Variants in SCGB1D2 observed in about 807,000 individuals in gnomAD.
The protein encoded by SCGB1D2 is lipophilin-B.
In SCGB1D2, 10 loss-of-function variants were observed where a neutral mutation model predicts 10.5. The ratio of observed to expected loss-of-function variants is 0.95; its 90% CI spans 0.59 to 1.61. SCGB1D2 has a LOEUF of 1.61. Ranked by LOEUF, SCGB1D2 falls within the 40% of genes most tolerant of loss-of-function variation. SCGB1D2 has a pLI of 0.00. For missense variants in SCGB1D2, 113 were observed against 103.8 expected (o/e 1.09, Z -0.38); for synonymous variants, 42 against 42.8 (o/e 0.98, Z 0.08).
Position 62,242,325 on chromosome 11 carries a change from T to A in SCGB1D2, c.18T>A (p.Cys6Ter). ...AAGCCACCATGAAGCTGTCGGTGTGTCTCCTGCTGGTCACGCTGGCCCTCT... is the reference window on the plus strand; with the variant it reads ...AAGCCACCATGAAGCTGTCGGTGTGACTCCTGCTGGTCACGCTGGCCCTCT... MKLSV[C>*]LLLVTLALCC... Residue 6 changes from cysteine to a stop codon, truncating the protein, a stop_gained, in exon 1 of 3, where the codon TGT (cysteine) becomes TGA (stop). Coordinates refer to ENST00000244926, the MANE Select transcript of SCGB1D2 (RefSeq NM_006551.4). LOFTEE classifies it high-confidence loss of function. The A allele has an allele frequency of 6.2e-7, 1 of 1,614,028 alleles. No individual in the cohort carries two copies. Among genetic ancestry groups the A allele is most frequent in the Non-Finnish European group, 8.5e-7 (1 of 1,179,942 alleles).
At position 62,242,249 on chromosome 11, in the gene SCGB1D2, G is replaced by C; in HGVS notation, c.-59G>C. 6.3e-7 allele frequency: 1 copy of C among 1,582,434 alleles called. No individual in the cohort carries two copies. Among genetic ancestry groups the C allele is most frequent in the Non-Finnish European group, 8.7e-7 (1 of 1,152,000 alleles). On this transcript the variant is annotated 5_prime_UTR_variant, in exon 1 of 3. Coordinates refer to ENST00000244926, the MANE Select transcript of SCGB1D2 (RefSeq NM_006551.4). ...GCTCTGCAGCTCCACAGGCTCCTGG[G>C]GTGGAGTCCAAATCACTCATTGTTT...
chr11:62,244,640 C>G, intron 2 of SCGB1D2, 30 bp from the exon 3 acceptor site: 1 of 1,608,596 alleles, frequency 6.2e-7, no homozygotes, highest in Non-Finnish European at 8.5e-7. Context: ...CATGACTGAC[C>G]CCACCTTCTT....
intron 2 of SCGB1D2, 137 bp downstream of exon 2, chr11:62,243,613 G>A (rs966230373): frequency 2.9e-6 from 2 of 699,794 alleles, no homozygotes; most frequent in Non-Finnish European, 4.8e-6. Flanking sequence ...GGTCACCTGG[G>A]GCCACAGGGT....
chr11:62,242,482 C>A, intron 1 of SCGB1D2, 120 bp downstream of exon 1: 1 of 931,584 alleles, frequency 1.1e-6, no homozygotes, highest in East Asian at 2.5e-5. Flanking sequence ...AAACCTTTTT[C>A]TGTGCTTGTT....
At position 62,242,369 on chromosome 11, in the gene SCGB1D2, A is replaced by G; in HGVS notation, c.55+7A>G. 6.2e-7 allele frequency: 1 copy of G among 1,613,856 alleles called. No homozygotes were observed. The highest frequency in any genetic ancestry group is 8.5e-7 in the Non-Finnish European group (1 of 1,179,802). ...GCCCTCTGCTGCTACCAGGGTGAGT[A>G]CATCAGTCATGAGTCTAGCTCCAGC... On this transcript the variant is annotated splice_region_variant and intron_variant, in intron 1 of 2. Transcript: ENST00000244926.
intron 2 of SCGB1D2, among the ~76,000 whole-genome samples, chr11:62,244,451 A>G (rs1047346456): frequency 3.9e-5 from 6 of 152,030 alleles, no homozygotes; most frequent in African/African-American, 1.2e-4. Context: ...TTCCCGGATC[A>G]CCCCAGGGCT....
Position 62,243,553 on chromosome 11 carries a change from T to G in SCGB1D2, c.243+77T>G. 5 of 1,295,312 alleles carry G rather than the reference T, an allele frequency of 3.9e-6. No individual in the cohort carries two copies. In the South Asian group the frequency reaches 7.6e-5, roughly 20 times the overall value. 80.2% of individuals were successfully genotyped at this position (1,295,312 alleles called of 1,614,324 possible). A position where few individuals can be genotyped will look rare whatever the true frequency, so the allele number is the denominator to read the frequency against. Reference sequence around the variant, plus strand: ...GAAGTGAGGTCAGCTTGCTGCTCTGTTGGGGACACAGGTGGTGGGGCAGCT... The same window carrying G: ...GAAGTGAGGTCAGCTTGCTGCTCTGGTGGGGACACAGGTGGTGGGGCAGCT... On this transcript the variant is annotated intron_variant, in intron 2 of 2. Transcript: ENST00000244926.
chr11:62,244,549 G>A, intron 2 of SCGB1D2, 121 bp from the exon 3 acceptor site: 1 of 835,158 alleles, frequency 1.2e-6, no homozygotes, highest in Non-Finnish European at 1.9e-6. Context: ...AAACTGAGTT[G>A]TTGCCTCTGC....
intron 2 of SCGB1D2, among the ~76,000 whole-genome samples, chr11:62,243,785 G>A (rs1894159): frequency 0.23 from 35,332 of 152,084 alleles, 5,466 homozygotes; most frequent in Middle Eastern, 0.44. Flanking sequence ...GCCAAGCATG[G>A]CCGCCTCGCT....
At chr11:62,244,598 C>G in intron 2 of SCGB1D2, 72 bp from the exon 3 acceptor site, 1 of 1,417,508 alleles carries the variant, frequency 7.1e-7, no homozygotes, top group Non-Finnish European at 9.8e-7. Flanking sequence ...CCACTGGCCT[C>G]TTGGATGTGA....
intron 1 of SCGB1D2, 38 bp downstream of exon 1, chr11:62,242,400 G>C: frequency 6.2e-7 from 1 of 1,607,816 alleles, no homozygotes. Context: ...CCAGCCCCTG[G>C]GAAGCACCCT....
rs1250692398 is a variant in SCGB1D2, at chr11:62,243,645, A to G, written c.243+169A>G. Among the ~76,000 whole-genome samples, 3 of 152,196 alleles carry G rather than the reference A, an allele frequency of 2.0e-5. No individual in the cohort carries two copies. In the East Asian group the frequency reaches 5.8e-4, roughly 29 times the overall value. ...GGGTGGGTGCCACCATTTCACCTGC[A>G]GAATTCAACTCAGCTGCACACAGCC... On this transcript the variant is annotated intron_variant, in intron 2 of 2. Transcript: ENST00000244926.
Position 62,244,761 on chromosome 11 carries a change from G to A in SCGB1D2, c.*62G>A, listed in dbSNP as rs1945095238. On this transcript the variant is annotated 3_prime_UTR_variant, in exon 3 of 3. Coordinates refer to ENST00000244926, the MANE Select transcript of SCGB1D2 (RefSeq NM_006551.4). ...CAATGACACCCTGATCTTCACTGCA[G>A]AATGTAAAGGTTTCAACGTCTTGCT... 1 of 1,369,416 alleles carries A rather than the reference G, an allele frequency of 7.3e-7. No homozygotes were observed. Among genetic ancestry groups the A allele is most frequent in the African/African-American group, 1.4e-5 (1 of 69,400 alleles). The allele number at this position is 1,369,416 out of a possible 1,614,324, so 84.8% of individuals were successfully genotyped here.
chr11:62,244,793 A>T lies in SCGB1D2; in HGVS notation c.*94A>T, dbSNP rs765838691. ...AAGGTTTCAACGTCTTGCTTTAATA[A>T]ATCACTTGCTCTCCACGTCTCCACT... On this transcript the variant is annotated 3_prime_UTR_variant, in exon 3 of 3. Coordinates refer to ENST00000244926, the MANE Select transcript of SCGB1D2 (RefSeq NM_006551.4). 6 of 1,090,194 alleles carry T rather than the reference A, an allele frequency of 5.5e-6. No individual in the cohort carries two copies. The highest frequency in any genetic ancestry group is 7.0e-6 in the Non-Finnish European group (5 of 716,894). The allele number at this position is 1,090,194 out of a possible 1,614,324, so 67.5% of individuals were successfully genotyped here.
At chr11:62,244,596 C>A in intron 2 of SCGB1D2, 74 bp from the exon 3 acceptor site, 1 of 1,392,704 alleles carries the variant, frequency 7.2e-7, no homozygotes, top group Non-Finnish European at 1.0e-6. Flanking sequence ...TCCCACTGGC[C>A]TCTTGGATGT....
chr11:62,244,654 T>C lies in SCGB1D2; in HGVS notation c.244-16T>C, dbSNP rs778531180. 50 of 1,612,428 alleles carry C rather than the reference T, an allele frequency of 3.1e-5. No homozygotes were observed. The East Asian group carries it at 1.1e-3, about 34-fold the overall frequency. On this transcript the variant is annotated splice_polypyrimidine_tract_variant and intron_variant, in intron 2 of 2. Transcript: ENST00000244926. ...GCATGACTGACCCCACCTTCTTTTT[T>C]CTTTTCCTATTTTAGGTGAAAATAT...
chr11:62,244,207 C>T (rs993104846), intron 2 of SCGB1D2, among the ~76,000 whole-genome samples: 1 of 152,204 alleles, frequency 6.6e-6, no homozygotes, highest in African/African-American at 2.4e-5. Context: ...ATGGAAGCTG[C>T]AGGCTCGGGA....
In SCGB1D2 at chr11:62,243,782, A is replaced by T. The variant is rs530533406; in HGVS notation, c.243+306A>T. ...AGGCAGAAATGGTAAAGGGCCAAGC[A>T]TGGCCGCCTCGCTGCTGGGAGCTTT... On this transcript the variant is annotated intron_variant, in intron 2 of 2. Coordinates refer to ENST00000244926, the MANE Select transcript of SCGB1D2 (RefSeq NM_006551.4). 2.3e-4 allele frequency among the ~76,000 whole-genome samples: 35 copies of T among 152,274 alleles called. No homozygotes were observed. The East Asian group carries it at 5.0e-3, about 22-fold the overall frequency.
In SCGB1D2 at chr11:62,242,477, T is replaced by A. The variant is rs1054038124; in HGVS notation, c.55+115T>A. ...CTGCACAAAACCAAAATTCCAAACCTTTTTCTGTGCTTGTTGAACAAGCCC... is the reference window on the plus strand; with the variant it reads ...CTGCACAAAACCAAAATTCCAAACCATTTTCTGTGCTTGTTGAACAAGCCC... On this transcript the variant is annotated intron_variant, in intron 1 of 2. Coordinates refer to ENST00000244926, the MANE Select transcript of SCGB1D2 (RefSeq NM_006551.4). The A allele has an allele frequency of 3.1e-6, 3 of 958,780 alleles. No individual in the cohort carries two copies. In the African/African-American group the frequency reaches 4.9e-5, roughly 16 times the overall value. 59.4% of individuals were successfully genotyped at this position (958,780 alleles called of 1,614,324 possible).
Sources: gnomAD v4.1 joint callset for allele counts (sites outside exome capture counted in the v4.1 genomes callset) on GRCh38, gnomAD v4.1.1 for gene constraint, MANE v1.5 for transcripts, NCBI Gene and HGNC (gene_info 2026-07-23, HGNC 2026-07-21) for gene names.